The following NAALADL2 variants were observed in gnomAD, a reference collection of about 807,000 sequenced individuals.
NAALADL2 encodes inactive N-acetylated-alpha-linked acidic dipeptidase-like protein 2.
Under a neutral mutation model 87.2 loss-of-function variants are expected in NAALADL2, and 76 were observed. That is an observed-to-expected ratio of 0.87 (90% CI 0.72 to 1.05). The LOEUF is 1.05. NAALADL2 is among the 50% of genes least tolerant of loss of function. NAALADL2 has a pLI of 0.00. For missense variants in NAALADL2, 1,089 were observed against 945.8 expected (o/e 1.15, Z -1.99); for synonymous variants, 354 against 331.0 (o/e 1.07, Z -0.75).
chr3:175,294,668 A>G (rs995910162), intron 4 of NAALADL2, among the ~76,000 whole-genome samples: 1 of 152,280 alleles, frequency 6.6e-6, no homozygotes, highest in Admixed American at 6.5e-5. Flanking sequence ...TTCAAAAAAA[A>G]TAAGTTTCAC....
intron 13 of NAALADL2, among the ~76,000 whole-genome samples, chr3:175,787,280 C>T (rs1254688033): frequency 2.2e-4 from 33 of 152,208 alleles, no homozygotes; most frequent in Middle Eastern, 3.4e-3. Flanking sequence ...CCTAATCAAG[C>T]CTGGGCAATG....
chr3:175,777,503 T>C (rs1165533483), intron 13 of NAALADL2, among the ~76,000 whole-genome samples: 2 of 152,148 alleles, frequency 1.3e-5, no homozygotes, highest in Non-Finnish European at 2.9e-5. Flanking sequence ...TCACTGTTAA[T>C]TTATGCAATC....
intron 2 of NAALADL2, among the ~76,000 whole-genome samples, chr3:175,232,164 AGGAGGAGG>A: frequency 6.6e-6 from 1 of 151,472 alleles, no homozygotes; most frequent in Non-Finnish European, 1.5e-5. Context: ...AAGAAGGGGG[AGGAGGAGG>A]AGAAGGAGCA....
chr3:175,139,721 C>A (rs892964853), intron 2 of NAALADL2, among the ~76,000 whole-genome samples: 13 of 151,996 alleles, frequency 8.6e-5, no homozygotes, highest in African/African-American at 3.1e-4. Flanking sequence ...AATTATATTT[C>A]TTCTTATATT....
At position 175,710,417 on chromosome 3, in the gene NAALADL2, GAC is replaced by G. The variant is rs1240786299; in HGVS notation, c.1897-26887_1897-26886del. 5.3e-5 allele frequency among the ~76,000 whole-genome samples: 8 copies of G among 151,976 alleles called. No homozygotes were observed. The East Asian group carries it at 1.4e-3, about 26-fold the overall frequency. ...TATTGAACGCAAAAAAGGCCAGATA[GAC>G]ATTAATGATTATCAATTAATAGCGG... On this transcript the variant is annotated intron_variant, in intron 11 of 13. Transcript: ENST00000454872.
intron 11 of NAALADL2, among the ~76,000 whole-genome samples, chr3:175,678,194 A>T: frequency 6.6e-6 from 1 of 152,340 alleles, no homozygotes; most frequent in East Asian, 1.9e-4. Flanking sequence ...ATCTTTTAGC[A>T]GGGAACACAA....
At chr3:174,806,996 C>A (rs1719586456) in intron 3 of NAALADL2, among the ~76,000 whole-genome samples, 1 of 151,926 alleles carries the variant, frequency 6.6e-6, no homozygotes, top group Non-Finnish European at 1.5e-5. Flanking sequence ...TTGATACAGT[C>A]ACAAGATAAT....
intron 3 of NAALADL2, among the ~76,000 whole-genome samples, chr3:174,757,924 T>G (rs756676805): frequency 6.6e-6 from 1 of 152,256 alleles, no homozygotes; most frequent in Non-Finnish European, 1.5e-5. Context: ...GAATGATGGC[T>G]TCTTAGAAAA....
chr3:174,841,877 T>C (rs935540581), intron 3 of NAALADL2, among the ~76,000 whole-genome samples: 1 of 152,182 alleles, frequency 6.6e-6, no homozygotes, highest in Non-Finnish European at 1.5e-5. Flanking sequence ...TGCATATTTC[T>C]CTCCTTTCAT....
intron 2 of NAALADL2, among the ~76,000 whole-genome samples, chr3:174,715,481 C>A (rs1731092139): frequency 6.6e-6 from 1 of 152,000 alleles, no homozygotes; most frequent in Admixed American, 6.6e-5. Context: ...TTAACTTATC[C>A]CTGGGCTTAG....
chr3:175,132,126 G>T (rs552794361), intron 2 of NAALADL2, among the ~76,000 whole-genome samples: 1 of 133,372 alleles, frequency 7.5e-6, no homozygotes. Flanking sequence ...GCGGCTGGCC[G>T]GGCGGGGGGC....
chr3:175,169,065 G>A (rs1381126), intron 2 of NAALADL2, among the ~76,000 whole-genome samples: 126,107 of 151,568 alleles, frequency 0.83, 52,798 homozygotes, highest in East Asian at 0.93. Context: ...AATTGAATGT[G>A]TAGGAGTCAA....
At chr3:175,200,133 A>G (rs759303111) in intron 2 of NAALADL2, among the ~76,000 whole-genome samples, 4 of 151,668 alleles carry the variant, frequency 2.6e-5, no homozygotes, top group Non-Finnish European at 5.9e-5. Context: ...AGCTACTTCA[A>G]GCTGTTTTTA....
At chr3:175,646,453 T>A (rs1045178247) in intron 11 of NAALADL2, among the ~76,000 whole-genome samples, 8 of 152,118 alleles carry the variant, frequency 5.3e-5, no homozygotes, top group African/African-American at 1.7e-4. Flanking sequence ...CAGATACAAT[T>A]TGGGACAACA....
intron 10 of NAALADL2, among the ~76,000 whole-genome samples, chr3:175,594,895 A>G (rs923094857): frequency 6.6e-6 from 1 of 152,010 alleles, no homozygotes; most frequent in African/African-American, 2.4e-5. Flanking sequence ...CATTCTAGAT[A>G]TTAGACTTTT....
intron 5 of NAALADL2, chr3:175,397,251 AT>A (rs1396625894): frequency 2.0e-5 from 3 of 152,128 alleles, no homozygotes; most frequent in Non-Finnish European, 4.4e-5. Context: ...TTTTAAAAAA[AT>A]ATGCTTCACA....
intron 1 of NAALADL2, among the ~76,000 whole-genome samples, chr3:174,920,939 C>G (rs1315372755): frequency 1.3e-5 from 2 of 152,190 alleles, no homozygotes; most frequent in Non-Finnish European, 2.9e-5. Flanking sequence ...ATTGGTAGAA[C>G]TCTCAGAACA....
chr3:175,222,001 C>T (rs1429136478), intron 2 of NAALADL2, among the ~76,000 whole-genome samples: 3 of 151,818 alleles, frequency 2.0e-5, no homozygotes, highest in Non-Finnish European at 2.9e-5. Context: ...AGGCTGGTCT[C>T]GAACTCCCGA....
chr3:175,267,034 TAA>T (rs11430705), intron 4 of NAALADL2, among the ~76,000 whole-genome samples: 5,632 of 146,918 alleles, frequency 0.038, 343 homozygotes, highest in African/African-American at 0.13. Context: ...GTAAAACTAG[TAA>T]AAAAAAAAAA....
Sources: gnomAD v4.1 joint callset for allele counts (sites outside exome capture counted in the v4.1 genomes callset) on GRCh38, gnomAD v4.1.1 for gene constraint, MANE v1.5 for transcripts, NCBI Gene and HGNC (gene_info 2026-07-23, HGNC 2026-07-21) for gene names.